Variants in DNM3 observed in about 807,000 individuals in gnomAD.
DNM3 encodes dynamin 3.
DNM3 carries 47 observed loss-of-function variants against 101.6 expected under a neutral mutation model. The observed-to-expected ratio is 0.46, with a 90% CI of 0.37 to 0.59. The LOEUF (loss-of-function observed/expected upper bound fraction) is 0.59. Ranked by LOEUF, DNM3 falls within the 20% of genes least tolerant of loss-of-function variation. The pLI, the probability that DNM3 is intolerant of heterozygous loss-of-function variation, is 0.00. For synonymous variants in DNM3, 385 were observed against 387.9 expected, an observed-to-expected ratio of 0.99 and a Z score of 0.09; for missense variants, 849 against 1,085.7, an observed-to-expected ratio of 0.78 and a Z score of 3.06.
chr1:172,009,235 CTGTG>C (rs903175740), intron 4 of DNM3, among the ~76,000 whole-genome samples: 12 of 146,524 alleles, frequency 8.2e-5, no homozygotes, highest in African/African-American at 2.7e-4. Context: ...TCATTGGTGT[CTGTG>C]TGTATCTAAC....
chr1:171,852,404 A>G (rs1019518179), intron 1 of DNM3, among the ~76,000 whole-genome samples: 1 of 152,198 alleles, frequency 6.6e-6, no homozygotes, highest in African/African-American at 2.4e-5. Context: ...TTACTGAGTC[A>G]TTTACAAAGA....
chr1:172,337,827 C>T (rs2066494194), intron 17 of DNM3, among the ~76,000 whole-genome samples: 1 of 148,944 alleles, frequency 6.7e-6, no homozygotes, highest in African/African-American at 2.5e-5. Flanking sequence ...GGGAATATGG[C>T]TTGGGAGTAT....
intron 2 of DNM3, among the ~76,000 whole-genome samples, chr1:171,927,363 G>A (rs2040659047): frequency 6.6e-6 from 1 of 151,758 alleles, no homozygotes; most frequent in South Asian, 2.1e-4. Flanking sequence ...TAAGCCCAGT[G>A]CTCAAGTTAT....
chr1:171,977,602 T>A (rs934121047), intron 2 of DNM3, among the ~76,000 whole-genome samples: 78 of 152,250 alleles, frequency 5.1e-4, no homozygotes, highest in African/African-American at 1.7e-3. Context: ...TACGGTTTCC[T>A]ACATCCTTAT....
intron 14 of DNM3, among the ~76,000 whole-genome samples, chr1:172,178,016 G>A (rs1189437487): frequency 2.6e-5 from 4 of 151,894 alleles, no homozygotes; most frequent in Non-Finnish European, 4.4e-5. Context: ...CACAAAGCTA[G>A]ATGGTCTAGC....
At chr1:172,173,327 G>T (rs781187696) in intron 14 of DNM3, among the ~76,000 whole-genome samples, 1 of 151,680 alleles carries the variant, frequency 6.6e-6, no homozygotes, top group Non-Finnish European at 1.5e-5. Context: ...GAGCAGAGTG[G>T]CAGTGTCAAT....
At chr1:172,340,280 A>G (rs2066627150) in intron 17 of DNM3, among the ~76,000 whole-genome samples, 1 of 152,216 alleles carries the variant, frequency 6.6e-6, no homozygotes, top group South Asian at 2.1e-4. Flanking sequence ...GATGTAGGTC[A>G]ACATATTCCC....
chr1:172,055,883 A>G (rs938053200), intron 10 of DNM3, among the ~76,000 whole-genome samples: 1 of 152,190 alleles, frequency 6.6e-6, no homozygotes, highest in African/African-American at 2.4e-5. Context: ...AGCTCCCAGC[A>G]TGAGCGACGC....
At chr1:171,904,791 A>T (rs934290627) in intron 1 of DNM3, among the ~76,000 whole-genome samples, 3 of 152,126 alleles carry the variant, frequency 2.0e-5, no homozygotes, top group Non-Finnish European at 4.4e-5. Flanking sequence ...TCCATGGTGA[A>T]GGTCCTTATA....
At chr1:171,994,133 T>G (rs185417610) in intron 4 of DNM3, among the ~76,000 whole-genome samples, 7 of 152,258 alleles carry the variant, frequency 4.6e-5, no homozygotes, top group African/African-American at 1.7e-4. Flanking sequence ...ACTGTATATT[T>G]TCTTTTGGGT....
chr1:172,327,412 C>G (rs1253627565), intron 17 of DNM3, among the ~76,000 whole-genome samples: 2 of 152,144 alleles, frequency 1.3e-5, no homozygotes, highest in Non-Finnish European at 2.9e-5. Flanking sequence ...CCTCTTTACA[C>G]CAAGCCCTCA....
Position 172,411,897 on chromosome 1 carries a change from T to G in DNM3, c.*4056T>G. On this transcript the variant is annotated 3_prime_UTR_variant, in exon 21 of 21. Coordinates refer to ENST00000627582, the MANE Select transcript of DNM3 (RefSeq NM_015569.5). ...AATGATTATTCGTTCACCAGATCAC[T>G]CATTGTACATTCTAAAAAGCTCAAA... The G allele has an allele frequency of 1.0e-6, 1 of 985,830 alleles. No individual in the cohort carries two copies. Among genetic ancestry groups the G allele is most frequent in the Non-Finnish European group, 1.2e-6 (1 of 829,886 alleles). 61.1% of individuals were successfully genotyped at this position (985,830 alleles called of 1,614,324 possible).
chr1:172,247,211 A>C (rs1335153892), intron 14 of DNM3, among the ~76,000 whole-genome samples: 2 of 152,132 alleles, frequency 1.3e-5, no homozygotes, highest in African/African-American at 4.8e-5. Flanking sequence ...TGTGTCAGAG[A>C]AATGTTCCAT....
At chr1:172,195,253 T>C (rs537934072) in intron 14 of DNM3, among the ~76,000 whole-genome samples, 36 of 152,100 alleles carry the variant, frequency 2.4e-4, no homozygotes, top group Non-Finnish European at 4.3e-4. Context: ...AGGAAGGCGA[T>C]TGACTTTTGT....
At chr1:172,117,730 G>A (rs1184921526) in intron 13 of DNM3, among the ~76,000 whole-genome samples, 1 of 152,180 alleles carries the variant, frequency 6.6e-6, no homozygotes, top group Non-Finnish European at 1.5e-5. Flanking sequence ...GAATTGTATT[G>A]GAAGTGGAGA....
chr1:172,237,598 A>G (rs1465552378), intron 14 of DNM3, among the ~76,000 whole-genome samples: 1 of 152,204 alleles, frequency 6.6e-6, no homozygotes, highest in East Asian at 1.9e-4. Flanking sequence ...ATGTACAAAT[A>G]TCTTTTAAAG....
rs184565501 is a variant in DNM3 at position 172,158,089 on chromosome 1, A to T, written c.1659+26801A>T. Among the ~76,000 whole-genome samples the T allele has an allele frequency of 1.6e-3, 239 of 152,130 alleles. 1 individual carries two copies. Among genetic ancestry groups the T allele is most frequent in the African/African-American group, 5.4e-3 (223 of 41,546 alleles). ...GAATGGGGTTGCAATGTTAAGTAGC[A>T]TGGTTAAGAAAGGTGGTATTTGAGA... is the stretch of plus-strand genomic sequence containing the variant. On this transcript the variant is annotated intron_variant, in intron 14 of 20. Coordinates refer to ENST00000627582, the MANE Select transcript of DNM3 (RefSeq NM_015569.5).
intron 2 of DNM3, among the ~76,000 whole-genome samples, chr1:171,984,991 A>G (rs891707521): frequency 6.6e-6 from 1 of 152,246 alleles, no homozygotes; most frequent in African/African-American, 2.4e-5. Context: ...ATTTAAATCT[A>G]ATTTGAAAAT....
At chr1:172,376,908 G>C (rs1046743764) in intron 17 of DNM3, among the ~76,000 whole-genome samples, 6 of 151,896 alleles carry the variant, frequency 4.0e-5, no homozygotes, top group African/African-American at 9.7e-5. Context: ...AGTGTCTTTT[G>C]CTTATTTTGA....
Sources: gnomAD v4.1 joint callset for allele counts (sites outside exome capture counted in the v4.1 genomes callset) on GRCh38, gnomAD v4.1.1 for gene constraint, MANE v1.5 for transcripts, NCBI Gene and HGNC (gene_info 2026-07-23, HGNC 2026-07-21) for gene names.